The following LPP variants were observed in gnomAD, a reference collection of about 807,000 sequenced individuals.
LPP encodes lipoma-preferred partner.
A neutral mutation model predicts 60.4 loss-of-function variants in LPP; 38 were observed. The observed-to-expected ratio is 0.63, with a 90% CI of 0.49 to 0.83. LPP has a LOEUF of 0.83. LPP is among the 40% of genes least tolerant of loss of function. The pLI, the probability that LPP is intolerant of heterozygous loss-of-function variation, is 0.00. For missense variants in LPP, 902 were observed against 783.6 expected, an observed-to-expected ratio of 1.15 and a Z score of -1.80; for synonymous variants, 328 against 290.8, an observed-to-expected ratio of 1.13 and a Z score of -1.30.
At chr3:188,270,221 C>T (rs1737242243) in intron 2 of LPP, among the ~76,000 whole-genome samples, 1 of 151,970 alleles carries the variant, frequency 6.6e-6, no homozygotes, top group Admixed American at 6.5e-5. Context: ...TCCTTTTTCT[C>T]AACTGGCCTA....
intron 2 of LPP, among the ~76,000 whole-genome samples, chr3:188,315,831 T>TTC (rs1754871905): frequency 6.6e-6 from 1 of 152,240 alleles, no homozygotes; most frequent in African/African-American, 2.4e-5. Context: ...CATTTGGATA[T>TTC]TCTCTCTAGG....
intron 2 of LPP, among the ~76,000 whole-genome samples, chr3:188,306,618 C>T (rs1212694825): frequency 6.6e-6 from 1 of 152,042 alleles, no homozygotes; most frequent in Non-Finnish European, 1.5e-5. Flanking sequence ...AGTAACAGTG[C>T]TAGTGTGTTG....
chr3:188,549,357 A>G (rs1417036478), intron 6 of LPP, among the ~76,000 whole-genome samples: 1 of 151,926 alleles, frequency 6.6e-6, no homozygotes, highest in African/African-American at 2.4e-5. Flanking sequence ...CTATAAATTG[A>G]TGGAGCCTCA....
intron 3 of LPP, among the ~76,000 whole-genome samples, chr3:188,389,842 C>A (rs1222069485): frequency 1.4e-5 from 2 of 147,178 alleles, no homozygotes; most frequent in African/African-American, 5.2e-5. Context: ...AGAAAGAAAT[C>A]TGGGTGAGTT....
chr3:188,836,519 A>C (rs541716830), intron 9 of LPP, among the ~76,000 whole-genome samples: 1 of 152,190 alleles, frequency 6.6e-6, no homozygotes, highest in African/African-American at 2.4e-5. Flanking sequence ...CAGATTCTTC[A>C]CTCTATCCCT....
chr3:188,617,692 A>T (rs1484265913), intron 7 of LPP, among the ~76,000 whole-genome samples: 1 of 152,166 alleles, frequency 6.6e-6, no homozygotes, highest in Non-Finnish European at 1.5e-5. Flanking sequence ...TTACTTATCT[A>T]ATCATTTTCA....
chr3:188,744,441 A>AT (rs2150219492), intron 8 of LPP, among the ~76,000 whole-genome samples: 1 of 152,188 alleles, frequency 6.6e-6, no homozygotes, highest in African/African-American at 2.4e-5. Flanking sequence ...TGCTGATATC[A>AT]TTTTTTGCAA....
At chr3:188,845,131 T>A (rs1249006432) in intron 9 of LPP, among the ~76,000 whole-genome samples, 1 of 152,242 alleles carries the variant, frequency 6.6e-6, no homozygotes, top group Non-Finnish European at 1.5e-5. Context: ...CAGAATTTTT[T>A]ACCAAATTGA....
intron 6 of LPP, among the ~76,000 whole-genome samples, chr3:188,607,106 T>G (rs1394076390): frequency 7.0e-6 from 1 of 142,276 alleles, no homozygotes; most frequent in African/African-American, 2.6e-5. Context: ...TCAGTCTCTT[T>G]CTTGGTGAAG....
At chr3:188,664,843 A>C (rs944194563) in intron 7 of LPP, among the ~76,000 whole-genome samples, 2 of 152,200 alleles carry the variant, frequency 1.3e-5, no homozygotes, top group African/African-American at 4.8e-5. Flanking sequence ...GGAGTAACTT[A>C]GAGTGTAGCC....
chr3:188,697,942 T>G (rs896634974), intron 7 of LPP, among the ~76,000 whole-genome samples: 7 of 151,176 alleles, frequency 4.6e-5, no homozygotes, highest in Admixed American at 2.0e-4. Flanking sequence ...AATAACAGAT[T>G]AATAAAATCT....
intron 10 of LPP, among the ~76,000 whole-genome samples, chr3:188,870,733 G>A (rs1404579834): frequency 6.6e-6 from 1 of 152,170 alleles, no homozygotes. Flanking sequence ...CTGGGATTGT[G>A]AGCCCTCCTC....
At chr3:188,239,551 A>T (rs1723120645) in intron 2 of LPP, among the ~76,000 whole-genome samples, 1 of 152,178 alleles carries the variant, frequency 6.6e-6, no homozygotes, top group Admixed American at 6.5e-5. Flanking sequence ...GGGCTATCAC[A>T]TTCCTTTCTC....
At position 188,344,888 on chromosome 3, in the gene LPP, AT is replaced by A. The variant is rs372680359; in HGVS notation, c.-10+3170del. On this transcript the variant is annotated intron_variant, in intron 3 of 11. Coordinates refer to ENST00000617246, the MANE Select transcript of LPP (RefSeq NM_001375462.1). ...TCCCTGATCTGGGTCTTATGAGAGG[AT>A]CTGGTAAACTTCCCCCCTATTAAGA... Among the ~76,000 whole-genome samples, 378 of 152,272 alleles carry A rather than the reference AT, an allele frequency of 2.5e-3. 2 individuals are homozygous for A. Among genetic ancestry groups the A allele is most frequent in the African/African-American group, 8.3e-3 (345 of 41,560 alleles).
intron 9 of LPP, among the ~76,000 whole-genome samples, chr3:188,789,098 G>GTT (rs60357875): frequency 1.5e-4 from 22 of 147,654 alleles, no homozygotes; most frequent in South Asian, 4.2e-4. Context: ...TTGTTGTTGG[G>GTT]TTTTTTTTTT....
At chr3:188,675,776 A>G (rs1260481433) in intron 7 of LPP, among the ~76,000 whole-genome samples, 1 of 152,228 alleles carries the variant, frequency 6.6e-6, no homozygotes, top group African/African-American at 2.4e-5. Context: ...ACATAGGCAT[A>G]TATTAACCAT....
intron 7 of LPP, among the ~76,000 whole-genome samples, chr3:188,656,043 A>G (rs1271182153): frequency 6.6e-6 from 1 of 151,860 alleles, no homozygotes; most frequent in African/African-American, 2.4e-5. Context: ...TACAAAAAAA[A>G]TAGCCAGGCA....
chr3:188,409,237 AC>A (rs1784363489), intron 4 of LPP, among the ~76,000 whole-genome samples: 5 of 151,438 alleles, frequency 3.3e-5, no homozygotes. Flanking sequence ...GCCAATTCTC[AC>A]TCTTTTTCTC....
chr3:188,313,072 A>G (rs1201629218), intron 2 of LPP, among the ~76,000 whole-genome samples: 1 of 152,068 alleles, frequency 6.6e-6, no homozygotes, highest in Non-Finnish European at 1.5e-5. Context: ...AACATGGCAC[A>G]TGTATACATA....
Sources: allele counts gnomAD v4.1 joint callset (sites outside exome capture counted in the v4.1 genomes callset), GRCh38; gene constraint gnomAD v4.1.1; transcripts MANE v1.5; gene names NCBI Gene and HGNC (gene_info 2026-07-23, HGNC 2026-07-21).